CDK18: variants seen among roughly 807,000 people sequenced by gnomAD.
The protein encoded by CDK18 is cyclin-dependent kinase 18.
A neutral mutation model predicts 62.0 loss-of-function variants in CDK18; 52 were observed. The observed-to-expected ratio is 0.84, with a 90% CI of 0.67 to 1.06. The LOEUF (loss-of-function observed/expected upper bound fraction) is 1.06, where lower values mean the gene tolerates loss of function less well. Among genes scored for constraint, CDK18 ranks in the 50% least tolerant of loss-of-function variants. CDK18 has a pLI of 0.00. For missense variants in CDK18, 604 were observed against 619.9 expected (o/e 0.97, Z 0.27); for synonymous variants, 237 against 247.0 (o/e 0.96, Z 0.38).
At chr1:205,506,012 G>A (rs879312508) in intron 1 of CDK18, among the ~76,000 whole-genome samples, 4 of 152,130 alleles carry the variant, frequency 2.6e-5, no homozygotes, top group Admixed American at 6.5e-5. Flanking sequence ...CGGCATGTTC[G>A]CGTGGCATTC....
At chr1:205,522,149 GGAA>G (rs1480013462) in intron 1 of CDK18, among the ~76,000 whole-genome samples, 4 of 152,228 alleles carry the variant, frequency 2.6e-5, no homozygotes, top group Admixed American at 2.0e-4. Context: ...AGGGTCTGCA[GGAA>G]GAAGCAGTTG....
chr1:205,526,092 C>G lies in CDK18; in HGVS notation c.484C>G (p.Arg162Gly), dbSNP rs897145600. The G allele has an allele frequency of 6.2e-7, 1 of 1,613,762 alleles. No individual in the cohort carries two copies. Among genetic ancestry groups the G allele is most frequent in the Non-Finnish European group, 8.5e-7 (1 of 1,179,838 alleles). The change falls in exon 6 of 16, where the codon CGC becomes GGC. Residue 162 changes from arginine to glycine, a missense_variant. Arg to Gly is a moderately radical substitution (Grantham distance 125, BLOSUM62 -2). Transcript: ENST00000429964. ...CACCTATGCCACAGTCTTCAAAGGGCGCAGCAAACTGACGGAGAACCTTGT... is the reference window on the plus strand; with the variant it reads ...CACCTATGCCACAGTCTTCAAAGGGGGCAGCAAACTGACGGAGAACCTTGT... ...EGTYATVFKG[R>G]SKLTENLVAL...
intron 1 of CDK18, among the ~76,000 whole-genome samples, chr1:205,505,088 C>T (rs1667241099): frequency 6.6e-6 from 1 of 152,102 alleles, no homozygotes; most frequent in Non-Finnish European, 1.5e-5. Flanking sequence ...CAATCTCAGA[C>T]CCCGCGCCCC....
At position 205,516,424 on chromosome 1, in the gene CDK18, C is replaced by A. The variant is rs1667820881; in HGVS notation, c.-21-6723C>A. 6.6e-6 allele frequency among the ~76,000 whole-genome samples: 1 copy of A among 152,120 alleles called. No individual in the cohort carries two copies. The highest frequency in any genetic ancestry group is 2.1e-4 in the South Asian group (1 of 4,810). On this transcript the variant is annotated intron_variant, in intron 1 of 15. Transcript: ENST00000429964. The surrounding 1 kb of genome is among the most constrained non-coding windows in gnomAD (Gnocchi z 4.8). ...CCTCTGGGCTTCAGAAAGTGGGCAG[C>A]CACAAGTTACGTCCCCCAACCCCTG...
rs764140354 is a variant in CDK18, at chr1:205,524,362, G to T, written c.399+5G>T. The stretch of plus-strand genomic sequence containing the variant: ...ATGTCCCGCCGGGCCTCCCTGGTGA[G>T]TCCCAAGAGGGTCAGAGGACACAAG... On this transcript the variant is annotated splice_donor_5th_base_variant and intron_variant, in intron 4 of 15. Transcript: ENST00000429964. The T allele has an allele frequency of 1.9e-6, 3 of 1,614,130 alleles. No individual in the cohort carries two copies. The highest frequency in any genetic ancestry group is 1.7e-6 in the Non-Finnish European group (2 of 1,180,038).
rs1668515172 is a variant in CDK18, at chr1:205,527,811, G to T, written c.747G>T (p.Leu249=). The T allele has an allele frequency of 6.2e-7, 1 of 1,613,804 alleles. No homozygotes were observed. Among genetic ancestry groups the T allele is most frequent in the Non-Finnish European group, 8.5e-7 (1 of 1,179,898 alleles). Residue 249 remains leucine (L), a synonymous_variant, in exon 9 of 16, where the codon CTG becomes CTT. Coordinates refer to ENST00000429964, the MANE Select transcript of CDK18 (RefSeq NM_212502.3). The surrounding 1 kb of genome is among the most constrained non-coding windows in gnomAD (Gnocchi z 4.1). ...TCCCCCAGATTTTCATGTTCCAGCT[G>T]CTCCGGGGCCTCGCCTACTGTCACC... The part of the protein sequence containing the change: ...MHNVKIFMFQ[L]LRGLAYCHHR...
Position 205,528,070 on chromosome 1 carries a change from G to T in CDK18, c.876G>T (p.Val292=). Residue 292 remains valine, a synonymous_variant, in exon 10 of 16, where the codon GTG becomes GTT. Transcript: ENST00000429964. This position sits in a 1 kb window ranked among gnomAD's most constrained non-coding sequence, Gnocchi z 4.2. ...ADFGLARAKS[V]PTKTYSNEVV... ...CAGGACTGGCCAGGGCCAAGTCAGT[G>T]CCCACAAAGACTTACTCCAATGAGG... The T allele has an allele frequency of 6.2e-7, 1 of 1,614,156 alleles. No individual in the cohort carries two copies. The highest frequency in any genetic ancestry group is 8.5e-7 in the Non-Finnish European group (1 of 1,180,016).
In CDK18 at chr1:205,526,355, G is replaced by T. The variant is rs764819389; in HGVS notation, c.572-12G>T. The T allele has an allele frequency of 6.2e-7, 1 of 1,610,732 alleles. No homozygotes were observed. The highest frequency in any genetic ancestry group is 8.5e-7 in the Non-Finnish European group (1 of 1,176,882). ...GGGTCCTAGGGACCCAGGTGGATCTGTCTCCTCACAGTGTCTCTGCTGAAG... is the reference window on the plus strand; with the variant it reads ...GGGTCCTAGGGACCCAGGTGGATCTTTCTCCTCACAGTGTCTCTGCTGAAG... On this transcript the variant is annotated splice_polypyrimidine_tract_variant and intron_variant, in intron 6 of 15. Coordinates refer to ENST00000429964, the MANE Select transcript of CDK18 (RefSeq NM_212502.3).
chr1:205,506,926 C>A (rs1196607690), intron 1 of CDK18, among the ~76,000 whole-genome samples: 1 of 152,238 alleles, frequency 6.6e-6, no homozygotes, highest in Non-Finnish European at 1.5e-5. Flanking sequence ...CCCTGCAAAC[C>A]CCCGCTCAGG....
At chr1:205,507,765 G>C (rs549680813) in intron 1 of CDK18, among the ~76,000 whole-genome samples, 25 of 152,258 alleles carry the variant, frequency 1.6e-4, no homozygotes, top group African/African-American at 5.5e-4. Context: ...TTGCACCAGG[G>C]CTGGTCTAGA....
In CDK18 at chr1:205,527,745, G is replaced by C; in HGVS notation, c.730-49G>C. On this transcript the variant is annotated intron_variant, in intron 8 of 15. Transcript: ENST00000429964. The surrounding 1 kb of genome is among the most constrained non-coding windows in gnomAD (Gnocchi z 4.1). ...CCATCCTGGTCCCAGCCTTGGAGCA[G>C]AGGCTCAGGGCCACCTTCCACCCCA... 6.2e-7 allele frequency: 1 copy of C among 1,600,446 alleles called. No homozygotes were observed.
intron 1 of CDK18, among the ~76,000 whole-genome samples, chr1:205,521,779 C>T (rs1051892562): frequency 6.6e-6 from 1 of 152,246 alleles, no homozygotes; most frequent in African/African-American, 2.4e-5. Context: ...GATCATTAAG[C>T]AAAGCCAACA....
At chr1:205,531,041 C>T (rs758581811) in intron 15 of CDK18, among the ~76,000 whole-genome samples, 2 of 152,236 alleles carry the variant, frequency 1.3e-5, no homozygotes, top group Non-Finnish European at 2.9e-5. Context: ...TGGCCTTGGA[C>T]ATTGACAAAT....
intron 13 of CDK18, 40 bp from the exon 14 acceptor site, chr1:205,530,219 C>G: frequency 1.2e-6 from 2 of 1,606,300 alleles, no homozygotes; most frequent in Non-Finnish European, 1.7e-6. Context: ...GGTTTGCAGC[C>G]CCCCAGCCGG....
chr1:205,530,403 G>T, intron 14 of CDK18, 54 bp downstream of exon 14: 1 of 1,548,460 alleles, frequency 6.5e-7, no homozygotes, highest in South Asian at 1.1e-5. Context: ...AAAGGGGTTG[G>T]TGAGTGTGGG....
At chr1:205,513,464 C>T (rs1299908780) in intron 1 of CDK18, among the ~76,000 whole-genome samples, 8 of 152,122 alleles carry the variant, frequency 5.3e-5, no homozygotes, top group Non-Finnish European at 5.9e-5. Context: ...TAGCTGGGCC[C>T]CCAAAAAAGG....
In CDK18 at chr1:205,524,291, G is replaced by T; in HGVS notation, c.333G>T (p.Gln111His). 6.2e-7 allele frequency: 1 copy of T among 1,614,180 alleles called. No homozygotes were observed. The highest frequency in any genetic ancestry group is 1.1e-5 in the South Asian group (1 of 91,080). Residue 111 changes from glutamine to histidine, a missense_variant, in exon 4 of 16, where the codon CAG becomes CAT. Transcript: ENST00000429964. ...MDIRLPQEFL[Q>H]KLQMESPDLP... is the part of the protein sequence containing the mutation. Reference sequence around the variant, plus strand: ...TCCGCCTGCCCCAGGAATTCCTACAGAAGCTACAGATGGAGAGCCCAGATC... The same window carrying T: ...TCCGCCTGCCCCAGGAATTCCTACATAAGCTACAGATGGAGAGCCCAGATC...
At chr1:205,529,723 C>T in intron 13 of CDK18, 160 bp downstream of exon 13, 2 of 1,539,106 alleles carry the variant, frequency 1.3e-6, no homozygotes, top group Non-Finnish European at 1.7e-6. Flanking sequence ...GGGTGGCCTC[C>T]ATACACATCC....
rs150036403 is a variant in CDK18, at chr1:205,521,935, G to A, written c.-21-1212G>A. ...GCTGGTGCATGGGTAACAGCTGGGA[G>A]CGGGTGCAGGGCGGCCCATCATAGG... is the stretch of plus-strand genomic sequence containing the variant. On this transcript the variant is annotated intron_variant, in intron 1 of 15. Transcript: ENST00000429964. Among the ~76,000 whole-genome samples the A allele has an allele frequency of 3.9e-5, 6 of 152,350 alleles. No homozygotes were observed. In the East Asian group the frequency reaches 1.2e-3, roughly 29 times the overall value.
Sources: gnomAD v4.1 joint callset for allele counts (sites outside exome capture counted in the v4.1 genomes callset) on GRCh38, gnomAD v4.1.1 for gene constraint, Gnocchi (gnomAD v3.1) non-coding constraint, MANE v1.5 for transcripts, NCBI Gene and HGNC (gene_info 2026-07-23, HGNC 2026-07-21) for gene names.